The following SERPINI1 variants were observed in gnomAD, a reference collection of about 807,000 sequenced individuals.
The protein encoded by SERPINI1 is serpin family I member 1.
A neutral mutation model predicts 41.1 loss-of-function variants in SERPINI1; 19 were observed. The observed-to-expected ratio is 0.46, with a 90% CI of 0.32 to 0.68. The LOEUF (loss-of-function observed/expected upper bound fraction) is 0.68, where lower values mean the gene tolerates loss of function less well. Ranked by LOEUF, SERPINI1 falls within the 30% of genes least tolerant of loss-of-function variation. SERPINI1 has a pLI of 0.03. For missense variants in SERPINI1, 460 were observed against 479.2 expected, an observed-to-expected ratio of 0.96 and a Z score of 0.37; for synonymous variants, 138 against 156.6, an observed-to-expected ratio of 0.88 and a Z score of 0.89.
rs114981212 is a variant in SERPINI1, at chr3:167,809,429, C to T, written c.979+2088C>T. Among the ~76,000 whole-genome samples, 694 of 152,302 alleles carry T rather than the reference C, an allele frequency of 4.6e-3. 7 individuals are homozygous for T. The highest frequency in any genetic ancestry group is 0.016 in the African/African-American group (655 of 41,562). On this transcript the variant is annotated intron_variant, in intron 6 of 8. Coordinates refer to ENST00000446050, the MANE Select transcript of SERPINI1 (RefSeq NM_001122752.2). ...AACAAATAGACTACCTGCTGCCTCT[C>T]AGTCCTGACGGAGTAGCACTGCAGT... is the stretch of plus-strand genomic sequence containing the variant.
intron 4 of SERPINI1, 64 bp downstream of exon 4, chr3:167,792,848 C>A: frequency 2.2e-6 from 3 of 1,376,274 alleles, no homozygotes; most frequent in Non-Finnish European, 3.1e-6. Context: ...CTAAGAAAAA[C>A]ATGAAGCATT....
At chr3:167,747,458 C>CA (rs1378439013) in intron 1 of SERPINI1, among the ~76,000 whole-genome samples, 2 of 152,170 alleles carry the variant, frequency 1.3e-5, no homozygotes, top group Non-Finnish European at 2.9e-5. Flanking sequence ...TCCTGGCTAA[C>CA]ACGGTGAAAC....
chr3:167,808,363 G>A (rs1239890428), intron 6 of SERPINI1, among the ~76,000 whole-genome samples: 1 of 150,770 alleles, frequency 6.6e-6, no homozygotes, highest in African/African-American at 2.4e-5. Context: ...GTATTTTTAA[G>A]TAGCTAACCC....
intron 1 of SERPINI1, among the ~76,000 whole-genome samples, chr3:167,761,124 G>A (rs1008542109): frequency 2.6e-5 from 4 of 152,214 alleles, no homozygotes; most frequent in South Asian, 2.1e-4. Flanking sequence ...TCAGACTTTC[G>A]AACAATAGAC....
At chr3:167,797,740 G>T (rs1022663585) in intron 5 of SERPINI1, among the ~76,000 whole-genome samples, 11 of 148,946 alleles carry the variant, frequency 7.4e-5, no homozygotes, top group Non-Finnish European at 1.0e-4. Flanking sequence ...CCTACCAAGC[G>T]TTTTTTTTTT....
intron 6 of SERPINI1, among the ~76,000 whole-genome samples, chr3:167,814,438 G>T: frequency 6.6e-6 from 1 of 152,220 alleles, no homozygotes; most frequent in East Asian, 1.9e-4. Context: ...TGGGGCTGAA[G>T]CTAAAAATAT....
intron 1 of SERPINI1, among the ~76,000 whole-genome samples, chr3:167,736,755 C>T (rs1357435184): frequency 1.3e-5 from 2 of 152,198 alleles, no homozygotes; most frequent in East Asian, 3.9e-4. Flanking sequence ...AATTGTAATA[C>T]CTATGGATGG....
chr3:167,751,604 T>C (rs963588592), intron 1 of SERPINI1, among the ~76,000 whole-genome samples: 1 of 152,172 alleles, frequency 6.6e-6, no homozygotes. Context: ...GCTAAATATA[T>C]AGATTTATCA....
chr3:167,750,949 A>G (rs1186610694), intron 1 of SERPINI1, among the ~76,000 whole-genome samples: 1 of 152,164 alleles, frequency 6.6e-6, no homozygotes, highest in African/African-American at 2.4e-5. Context: ...AGCTGCAATT[A>G]CATATCTAAA....
At chr3:167,817,276 G>T (rs1449066089) in intron 6 of SERPINI1, among the ~76,000 whole-genome samples, 1 of 152,064 alleles carries the variant, frequency 6.6e-6, no homozygotes, top group African/African-American at 2.4e-5. Flanking sequence ...TTATCTTCAC[G>T]CTAATAGGTG....
chr3:167,742,818 T>TTGTGTGTGTGTGTGTG (rs10576293), intron 1 of SERPINI1, among the ~76,000 whole-genome samples: 1 of 145,000 alleles, frequency 6.9e-6, no homozygotes, highest in Non-Finnish European at 1.5e-5. Context: ...TTGTGCCGTT[T>TTGTGTGTGTGTGTGTG]TGTGTGTGTG....
At chr3:167,775,926 T>C (rs1726955000) in intron 1 of SERPINI1, among the ~76,000 whole-genome samples, 2 of 152,022 alleles carry the variant, frequency 1.3e-5, no homozygotes, top group Admixed American at 6.6e-5. Context: ...TCCACTGCAC[T>C]CCAGCCTGGG....
chr3:167,769,749 T>C (rs1340029905), intron 1 of SERPINI1, among the ~76,000 whole-genome samples: 3 of 152,170 alleles, frequency 2.0e-5, no homozygotes, highest in Non-Finnish European at 4.4e-5. Flanking sequence ...TACCTCAGTG[T>C]AGTTTATTTT....
intron 1 of SERPINI1, among the ~76,000 whole-genome samples, chr3:167,780,292 A>T (rs1727080492): frequency 6.6e-6 from 1 of 152,174 alleles, no homozygotes; most frequent in Admixed American, 6.5e-5. Flanking sequence ...GAATACTGGG[A>T]TATTTTCTAC....
intron 1 of SERPINI1, among the ~76,000 whole-genome samples, chr3:167,737,258 T>C (rs185501555): frequency 2.2e-4 from 34 of 152,192 alleles, no homozygotes; most frequent in Admixed American, 2.2e-3. Context: ...TCACATACCA[T>C]AGAAATATAT....
chr3:167,758,974 A>T (rs1577403016), intron 1 of SERPINI1, among the ~76,000 whole-genome samples: 2 of 152,308 alleles, frequency 1.3e-5, no homozygotes, highest in South Asian at 2.1e-4. Context: ...GGCTCTTTAT[A>T]AAAGAAGCTT....
intron 1 of SERPINI1, among the ~76,000 whole-genome samples, chr3:167,783,339 A>C (rs1336015128): frequency 6.6e-6 from 1 of 152,200 alleles, no homozygotes; most frequent in Non-Finnish European, 1.5e-5. Flanking sequence ...TGACATTGAA[A>C]GAAAAAAGAG....
intron 1 of SERPINI1, among the ~76,000 whole-genome samples, chr3:167,777,400 G>C (rs954442641): frequency 7.9e-5 from 12 of 152,184 alleles, no homozygotes; most frequent in Non-Finnish European, 1.6e-4. Flanking sequence ...AAGATGGGAA[G>C]AGGATTGACC....
chr3:167,753,728 A>T (rs1406355930), intron 1 of SERPINI1, among the ~76,000 whole-genome samples: 1 of 152,224 alleles, frequency 6.6e-6, no homozygotes, highest in Non-Finnish European at 1.5e-5. Flanking sequence ...GATTAAGGAA[A>T]ATATGTCTAA....
Sources: allele counts gnomAD v4.1 joint callset (sites outside exome capture counted in the v4.1 genomes callset), GRCh38; gene constraint gnomAD v4.1.1; transcripts MANE v1.5; gene names NCBI Gene and HGNC (gene_info 2026-07-23, HGNC 2026-07-21).